Variants in IPO5 observed in about 807,000 individuals in gnomAD.
IPO5 encodes the protein importin-5.
A neutral mutation model predicts 143.3 loss-of-function variants in IPO5; 18 were observed. The ratio of observed to expected loss-of-function variants is 0.13; its 90% CI spans 0.09 to 0.19. The LOEUF is 0.19. IPO5 is among the 10% of genes least tolerant of loss of function. The probability of loss-of-function intolerance (pLI) is 1.00; values close to 1 mark genes in which losing one functional copy is unlikely to be tolerated. For missense variants in IPO5, 1,013 were observed against 1,336.9 expected (o/e 0.76, Z 3.78); for synonymous variants, 477 against 465.7 (o/e 1.02, Z -0.31).
chr13:98,018,508 C>G lies in IPO5; in HGVS notation c.2640C>G (p.Asp880Glu). Residue 880 changes from aspartate to glutamate, a missense_variant, in exon 26 of 29, where the codon GAC (aspartate) becomes GAG (glutamate). By Grantham distance (45) the Asp-to-Glu change is conservative (BLOSUM62 2). Transcript: ENST00000651721. The stretch of plus-strand genomic sequence containing the variant: ...AGTGTCCACATAGACCATGGCCAGA[C>G]AGACAATGGGGATTATGCATCTTTG... The part of the protein sequence containing the change: ...NLICPHRPWP[D>E]RQWGLCIFDD... 1 of 1,613,848 alleles carries G rather than the reference C, an allele frequency of 6.2e-7. No homozygotes were observed. The highest frequency in any genetic ancestry group is 1.7e-5 in the Admixed American group (1 of 60,012).
At position 98,021,688 on chromosome 13, in the gene IPO5, C is replaced by A. The variant is rs762565857; in HGVS notation, c.3208-48C>A. ...ACCTATGATGATGATTAAAATCCTT[C>A]CAAATGAGCATTTCGTCCTAAGTCT... On this transcript the variant is annotated intron_variant, in intron 28 of 28. Coordinates refer to ENST00000651721, the MANE Select transcript of IPO5 (RefSeq NM_002271.6). The A allele has an allele frequency of 3.4e-6, 4 of 1,166,744 alleles. No individual in the cohort carries two copies. The African/African-American group carries it at 6.0e-5, about 18-fold the overall frequency. The allele number at this position is 1,166,744 out of a possible 1,614,324, so 72.3% of individuals were successfully genotyped here. A position where few individuals can be genotyped will look rare whatever the true frequency, so the allele number is the denominator to read the frequency against.
At chr13:98,006,051 C>A in intron 16 of IPO5, 79 bp from the exon 17 acceptor site, 2 of 941,466 alleles carry the variant, frequency 2.1e-6, no homozygotes, top group Non-Finnish European at 3.4e-6. Context: ...CATTCAAGAA[C>A]TTGAAGGGAG....
At chr13:97,985,747 T>C in intron 6 of IPO5, 134 bp downstream of exon 6, 1 of 667,234 alleles carries the variant, frequency 1.5e-6, no homozygotes. Flanking sequence ...TGAATGTGCT[T>C]ATGGATTTTG....
At chr13:97,956,865 T>C (rs1489183599) in intron 2 of IPO5, among the ~76,000 whole-genome samples, 4 of 152,154 alleles carry the variant, frequency 2.6e-5, no homozygotes, top group Non-Finnish European at 4.4e-5. Flanking sequence ...CGGGACCAAA[T>C]ACCAAAATTC....
chr13:97,957,459 G>A lies in IPO5; in HGVS notation c.-113+3261G>A, dbSNP rs756199180. Among the ~76,000 whole-genome samples, 34 of 152,026 alleles carry A rather than the reference G, an allele frequency of 2.2e-4. 1 individual carries two copies. The highest frequency in any genetic ancestry group is 4.6e-4 in the Non-Finnish European group (31 of 68,004). ...TCAGGTGATCCACCTACCTCCCAAAGTCCTGGGATTACAGGCATGAGCCAC... is the reference window on the plus strand; with the variant it reads ...TCAGGTGATCCACCTACCTCCCAAAATCCTGGGATTACAGGCATGAGCCAC... On this transcript the variant is annotated intron_variant, in intron 2 of 28. Transcript: ENST00000651721.
intron 2 of IPO5, among the ~76,000 whole-genome samples, chr13:97,955,285 G>A (rs755157597): frequency 3.0e-4 from 45 of 151,608 alleles, no homozygotes; most frequent in Non-Finnish European, 1.0e-4. Context: ...GTTCATGCAT[G>A]CTACTCTACA....
chr13:98,011,002 A>G (rs1594120259), intron 20 of IPO5, among the ~76,000 whole-genome samples: 1 of 151,936 alleles, frequency 6.6e-6, no homozygotes, highest in East Asian at 1.9e-4. Flanking sequence ...GCTGGTTTCC[A>G]ACTCCTGACC....
chr13:98,011,517 C>T (rs1467565058), intron 20 of IPO5, among the ~76,000 whole-genome samples: 1 of 151,196 alleles, frequency 6.6e-6, no homozygotes, highest in Admixed American at 6.6e-5. Flanking sequence ...GTCTTGAACT[C>T]CTGACCTCGT....
At chr13:97,986,863 A>G (rs1322380940) in intron 6 of IPO5, 1 of 152,232 alleles carries the variant, frequency 6.6e-6, no homozygotes, top group Non-Finnish European at 1.5e-5. Context: ...CTTGGTTAAA[A>G]AGCTACCTAA....
chr13:97,985,903 G>A (rs894126612), intron 6 of IPO5, among the ~76,000 whole-genome samples: 15 of 152,018 alleles, frequency 9.9e-5, no homozygotes, highest in Admixed American at 5.9e-4. Context: ...TGGGCACATC[G>A]CTTGAGTCTA....
intron 2 of IPO5, among the ~76,000 whole-genome samples, chr13:97,955,228 C>T (rs1012708582): frequency 2.1e-5 from 3 of 142,248 alleles, no homozygotes; most frequent in East Asian, 2.0e-4. Flanking sequence ...GACCCTATCA[C>T]GAAAAAAAAA....
intron 13 of IPO5, chr13:98,001,616 T>G (rs1393209689): frequency 6.6e-6 from 1 of 152,376 alleles, no homozygotes; most frequent in Non-Finnish European, 1.5e-5. Flanking sequence ...TAGCTGGGAT[T>G]ACAGGCATAC....
At chr13:98,006,857 T>C (rs1480242175) in intron 17 of IPO5, among the ~76,000 whole-genome samples, 11 of 150,972 alleles carry the variant, frequency 7.3e-5, no homozygotes, top group Admixed American at 6.6e-4. Context: ...TTTGTTTGTT[T>C]GGTTTGGTGT....
At chr13:97,985,663 C>CA in intron 6 of IPO5, 50 bp downstream of exon 6, 1 of 931,328 alleles carries the variant, frequency 1.1e-6, no homozygotes, top group Non-Finnish European at 1.6e-6. Flanking sequence ...TATATCCTTC[C>CA]TTTTTTTTTT....
At chr13:97,980,430 A>G (rs748916920) in intron 4 of IPO5, among the ~76,000 whole-genome samples, 34 of 152,210 alleles carry the variant, frequency 2.2e-4, no homozygotes, top group Admixed American at 8.5e-4. Flanking sequence ...AGTTGGGTCA[A>G]TTGTTAAGTC....
intron 2 of IPO5, among the ~76,000 whole-genome samples, chr13:97,959,556 C>T (rs1484938185): frequency 2.6e-5 from 4 of 152,102 alleles, no homozygotes; most frequent in Non-Finnish European, 4.4e-5. Flanking sequence ...GGTGAAACCC[C>T]GTCTCTACTA....
At chr13:97,998,673 CTG>C (rs1384676853) in intron 12 of IPO5, among the ~76,000 whole-genome samples, 2 of 152,154 alleles carry the variant, frequency 1.3e-5, no homozygotes, top group African/African-American at 4.8e-5. Flanking sequence ...CCTCTGAGCT[CTG>C]TTACTTTAAT....
chr13:98,015,680 G>A (rs1890077694), intron 23 of IPO5, 39 bp downstream of exon 23: 1 of 1,582,174 alleles, frequency 6.3e-7, no homozygotes. Flanking sequence ...TATAATCCTT[G>A]ACCATCTTGG....
chr13:97,985,395 T>C (rs1887246642), intron 5 of IPO5, 26 bp from the exon 6 acceptor site: 1 of 1,558,376 alleles, frequency 6.4e-7, no homozygotes, highest in African/African-American at 1.4e-5. Flanking sequence ...GTGAATCTAG[T>C]TATTAACAAT....
Sources: gnomAD v4.1 joint callset for allele counts (sites outside exome capture counted in the v4.1 genomes callset) on GRCh38, gnomAD v4.1.1 for gene constraint, MANE v1.5 for transcripts, NCBI Gene and HGNC (gene_info 2026-07-23, HGNC 2026-07-21) for gene names.